Variants in LRP1B observed in about 807,000 individuals in gnomAD.
The protein encoded by LRP1B is low-density lipoprotein receptor-related protein 1B.
Under a neutral mutation model 556.6 loss-of-function variants are expected in LRP1B, and 217 were observed. The ratio of observed to expected loss-of-function variants is 0.39; its 90% CI spans 0.35 to 0.44. The LOEUF is 0.44. Among genes scored for constraint, LRP1B ranks in the 20% least tolerant of loss-of-function variants. The probability of loss-of-function intolerance (pLI) is 1.00; values close to 1 mark genes in which losing one functional copy is unlikely to be tolerated. For missense variants in LRP1B, 5,053 were observed against 5,620.8 expected, an observed-to-expected ratio of 0.90 and a Z score of 3.23; for synonymous variants, 2,047 against 1,865.8, an observed-to-expected ratio of 1.10 and a Z score of -2.50.
chr2:141,334,471 C>T (rs559256720), intron 3 of LRP1B, among the ~76,000 whole-genome samples: 1 of 152,366 alleles, frequency 6.6e-6, no homozygotes, highest in Non-Finnish European at 1.5e-5. Flanking sequence ...CTGTGAGTCA[C>T]CTGAACCTCT....
intron 14 of LRP1B, among the ~76,000 whole-genome samples, chr2:141,009,517 G>A (rs1189354813): frequency 2.0e-5 from 3 of 151,806 alleles, no homozygotes; most frequent in South Asian, 4.2e-4. Context: ...TGTTTTGGCG[G>A]GGAGGTTTGG....
intron 35 of LRP1B, among the ~76,000 whole-genome samples, chr2:140,736,386 T>A (rs2105511418): frequency 6.6e-6 from 1 of 152,192 alleles, no homozygotes; most frequent in African/African-American, 2.4e-5. Flanking sequence ...TTTTATTGTT[T>A]CATATGGAAC....
intron 3 of LRP1B, among the ~76,000 whole-genome samples, chr2:141,258,378 C>A (rs752073464): frequency 6.6e-6 from 1 of 151,928 alleles, no homozygotes; most frequent in African/African-American, 2.4e-5. Flanking sequence ...CCCAGCTACT[C>A]GGGAGGTTGA....
At chr2:142,100,503 TC>T (rs1706534825) in intron 1 of LRP1B, among the ~76,000 whole-genome samples, 1 of 152,008 alleles carries the variant, frequency 6.6e-6, no homozygotes, top group African/African-American at 2.4e-5. Context: ...CCCTTTCATT[TC>T]TTTGGGAAGT....
At chr2:141,960,734 T>G (rs1045967842) in intron 1 of LRP1B, among the ~76,000 whole-genome samples, 1 of 151,854 alleles carries the variant, frequency 6.6e-6, no homozygotes, top group Non-Finnish European at 1.5e-5. Context: ...ACTACGGACC[T>G]GGGAAATTGC....
intron 43 of LRP1B, among the ~76,000 whole-genome samples, chr2:140,544,521 T>A (rs1309297244): frequency 6.6e-6 from 1 of 152,250 alleles, no homozygotes; most frequent in East Asian, 1.9e-4. Context: ...CTCCTCTATA[T>A]GTCCACGTGT....
chr2:141,866,422 T>C (rs1698414944), intron 1 of LRP1B, among the ~76,000 whole-genome samples: 1 of 152,218 alleles, frequency 6.6e-6, no homozygotes, highest in South Asian at 2.1e-4. Context: ...TTTTATTGAT[T>C]CTAAGATGTA....
Position 141,453,672 on chromosome 2 carries a change from C to T in LRP1B, c.343+26724G>A, listed in dbSNP as rs575538427. Among the ~76,000 whole-genome samples the T allele has an allele frequency of 3.3e-5, 5 of 152,268 alleles. No individual in the cohort carries two copies. In the East Asian group the frequency reaches 9.7e-4, roughly 29 times the overall value. On this transcript the variant is annotated intron_variant, in intron 3 of 90. Transcript: ENST00000389484. ...GCGGCCCACACCTGTAATCCCAGCA[C>T]TTTGGGAAGCCGAGGCAGGTGGATG...
chr2:141,073,429 C>A (rs777998736), intron 7 of LRP1B, among the ~76,000 whole-genome samples: 6 of 152,008 alleles, frequency 3.9e-5, no homozygotes, highest in Non-Finnish European at 8.8e-5. Context: ...TTCTCCACCT[C>A]TTCTCTCTAC....
intron 3 of LRP1B, among the ~76,000 whole-genome samples, chr2:141,292,267 A>C (rs998962767): frequency 2.0e-5 from 3 of 152,152 alleles, no homozygotes; most frequent in African/African-American, 7.2e-5. Flanking sequence ...ATTATCTTCC[A>C]TGAAACTGGT....
At chr2:141,670,592 G>A (rs1036004598) in intron 2 of LRP1B, among the ~76,000 whole-genome samples, 1 of 152,288 alleles carries the variant, frequency 6.6e-6, no homozygotes, top group African/African-American at 2.4e-5. Context: ...GTCTAACAAT[G>A]TGACAGGCTG....
At chr2:140,245,441 T>A (rs1178327312) in intron 87 of LRP1B, among the ~76,000 whole-genome samples, 2 of 151,472 alleles carry the variant, frequency 1.3e-5, no homozygotes, top group African/African-American at 4.8e-5. Flanking sequence ...GTCAGAGTTT[T>A]AAAAAATTTT....
At chr2:140,710,974 T>C (rs1390931245) in intron 37 of LRP1B, among the ~76,000 whole-genome samples, 1 of 152,030 alleles carries the variant, frequency 6.6e-6, no homozygotes, top group Non-Finnish European at 1.5e-5. Context: ...CCTGAGCCTA[T>C]CTGAAAGCAA....
chr2:141,930,394 A>G (rs1438335925), intron 1 of LRP1B, among the ~76,000 whole-genome samples: 3 of 152,176 alleles, frequency 2.0e-5, no homozygotes, highest in South Asian at 2.1e-4. Flanking sequence ...GAATACATCT[A>G]TCTGTCCTAA....
Position 141,315,296 on chromosome 2 carries a change from G to C in LRP1B, c.344-60655C>G, listed in dbSNP as rs551236243. ...TTTTTTTGAGACTGAGTCTTGCTCTGTCGCCCAGGGTGGAGTGCAGTGGCG... is the reference window on the plus strand; with the variant it reads ...TTTTTTTGAGACTGAGTCTTGCTCTCTCGCCCAGGGTGGAGTGCAGTGGCG... On this transcript the variant is annotated intron_variant, in intron 3 of 90. Transcript: ENST00000389484. 2.9e-5 allele frequency among the ~76,000 whole-genome samples: 3 copies of C among 102,014 alleles called. No individual in the cohort carries two copies. The Admixed American group carries it at 5.0e-4, about 17-fold the overall frequency. 66.9% of individuals were successfully genotyped at this position (102,014 alleles called of 152,430 possible).
chr2:140,269,244 C>T (rs903375815), intron 86 of LRP1B: 5 of 469,826 alleles, frequency 1.1e-5, no homozygotes, highest in East Asian at 7.0e-5. Flanking sequence ...CGAAGCGCAG[C>T]GATAAGTGGA....
intron 2 of LRP1B, among the ~76,000 whole-genome samples, chr2:141,544,355 C>CTTCTTCTTCTTCTTCTT (rs1685448187): frequency 2.1e-5 from 2 of 95,974 alleles, no homozygotes; most frequent in African/African-American, 7.1e-5. Context: ...TCTTCTTCTT[C>CTTCTTCTTCTTCTTCTT]TTCTTCTTCT....
chr2:140,480,586 C>T (rs1688190143), intron 59 of LRP1B, among the ~76,000 whole-genome samples: 1 of 151,534 alleles, frequency 6.6e-6, no homozygotes, highest in Non-Finnish European at 1.5e-5. Context: ...GATTACAGGC[C>T]CGTGCCACCA....
intron 62 of LRP1B, among the ~76,000 whole-genome samples, chr2:140,452,498 A>G (rs1196866642): frequency 6.6e-6 from 1 of 152,144 alleles, no homozygotes; most frequent in African/African-American, 2.4e-5. Context: ...CACAATATTC[A>G]TCTAGAATTG....
Sources: gnomAD v4.1 joint callset for allele counts (sites outside exome capture counted in the v4.1 genomes callset) on GRCh38, gnomAD v4.1.1 for gene constraint, MANE v1.5 for transcripts, NCBI Gene and HGNC (gene_info 2026-07-23, HGNC 2026-07-21) for gene names.